COL8A1: variants seen among roughly 807,000 people sequenced by gnomAD.
COL8A1 encodes the protein collagen type VIII alpha 1 chain.
COL8A1 carries 21 observed loss-of-function variants against 42.7 expected under a neutral mutation model. The observed-to-expected ratio is 0.49, with a 90% CI of 0.35 to 0.71. COL8A1 has a LOEUF of 0.71. COL8A1 is among the 30% of genes least tolerant of loss of function. COL8A1 has a pLI of 0.01. For synonymous variants in COL8A1, 367 were observed against 369.1 expected (o/e 0.99, Z 0.06); for missense variants, 788 against 962.4 (o/e 0.82, Z 2.40).
chr3:99,746,650 T>C (rs191563719), intron 2 of COL8A1, among the ~76,000 whole-genome samples: 1 of 152,344 alleles, frequency 6.6e-6, no homozygotes, highest in African/African-American at 2.4e-5. Context: ...TTATTGAACT[T>C]TTAAGAAATT....
At chr3:99,717,419 C>T (rs1051934662) in intron 1 of COL8A1, among the ~76,000 whole-genome samples, 2 of 151,880 alleles carry the variant, frequency 1.3e-5, no homozygotes, top group African/African-American at 4.8e-5. Flanking sequence ...ACGACACATC[C>T]AACACACCAC....
At chr3:99,755,761 G>T (rs1323509143) in intron 2 of COL8A1, among the ~76,000 whole-genome samples, 1 of 152,208 alleles carries the variant, frequency 6.6e-6, no homozygotes, top group South Asian at 2.1e-4. Context: ...AGTTTGGCTT[G>T]TTGCAAGATG....
chr3:99,781,033 G>C (rs920085134), intron 2 of COL8A1, among the ~76,000 whole-genome samples: 4 of 152,118 alleles, frequency 2.6e-5, no homozygotes, highest in African/African-American at 9.7e-5. Flanking sequence ...CCCTCTCTGT[G>C]GCTGACGATT....
rs146495728 is a variant in COL8A1 at position 99,783,557 on chromosome 3, C to T, written c.-3-7123C>T. Among the ~76,000 whole-genome samples, 121 of 152,240 alleles carry T rather than the reference C, an allele frequency of 7.9e-4. 1 individual carries two copies. In the East Asian group the frequency reaches 0.011, roughly 14 times the overall value. ...AGGCTTATTTATTTGGGCTATTAGT[C>T]CATTTTCACACTGCTATAAAGAACT... On this transcript the variant is annotated intron_variant, in intron 2 of 3. Coordinates refer to ENST00000652472, the MANE Select transcript of COL8A1 (RefSeq NM_020351.4).
chr3:99,647,475 GTCTCTCTCTCTCTCTC>G (rs10662522), intron 1 of COL8A1, among the ~76,000 whole-genome samples: 3 of 147,648 alleles, frequency 2.0e-5, no homozygotes, highest in African/African-American at 7.4e-5. Context: ...TATTATTCAA[GTCTCTCTCTCTCTCTC>G]TCTCTCTCAT....
rs1236832748 is a variant in COL8A1, at chr3:99,795,478, C to A, written c.1577C>A (p.Pro526His). The A allele has an allele frequency of 2.1e-5, 33 of 1,545,424 alleles. No homozygotes were observed. The highest frequency in any genetic ancestry group is 2.9e-5 in the Non-Finnish European group (33 of 1,144,038). ...AAAGGGGAGCCGGGCCTCCCAGGGC[C>A]CCCTGGGTTCCCTGGTATAGGGAAA... Reference protein sequence around the residue: ...GPKGEPGLPGPPGFPGIGKPG... With the variant: ...GPKGEPGLPGHPGFPGIGKPG... The change falls in exon 4 of 4, where the codon CCC becomes CAC. Residue 526 changes from proline (P) to histidine (H), a missense_variant. Physicochemically the swap from Pro to His is moderately conservative, Grantham distance 77. Transcript: ENST00000652472.
At position 99,794,742 on chromosome 3, in the gene COL8A1, G is replaced by A; in HGVS notation, c.841G>A (p.Gly281Arg). ...CAAACCAGGAGTGACAGGCTTCCCT[G>A]GGCCCCAGGGCCCCCTGGGAAAGCC... is the stretch of plus-strand genomic sequence containing the variant. ...VGKPGVTGFP[G>R]PQGPLGKPGA... Residue 281 changes from glycine to arginine, a missense_variant, in exon 4 of 4, where the codon GGG becomes AGG. Around this residue, in one of 4 missense-constraint regions of COL8A1, gnomAD observed 421 missense variants for 553.1 expected, o/e 0.76. Transcript: ENST00000652472. The surrounding 1 kb of genome is among the most constrained non-coding windows in gnomAD (Gnocchi z 4.3). 1 of 1,598,720 alleles carries A rather than the reference G, an allele frequency of 6.3e-7. No individual in the cohort carries two copies. The highest frequency in any genetic ancestry group is 8.5e-7 in the Non-Finnish European group (1 of 1,174,672).
At chr3:99,648,163 C>T (rs780692756) in intron 1 of COL8A1, among the ~76,000 whole-genome samples, 6 of 152,138 alleles carry the variant, frequency 3.9e-5, no homozygotes, top group South Asian at 2.1e-4. Flanking sequence ...CCCAATTTAA[C>T]GATGAGAAAA....
At position 99,790,655 on chromosome 3, in the gene COL8A1, GTTGGTGCA is replaced by G. The variant is rs1412491188; in HGVS notation, c.-3-19_-3-12del. 1.2e-6 allele frequency: 2 copies of G among 1,600,558 alleles called. No individual in the cohort carries two copies. The highest frequency in any genetic ancestry group is 1.7e-6 in the Non-Finnish European group (2 of 1,170,200). On this transcript the variant is annotated splice_polypyrimidine_tract_variant and intron_variant, in intron 2 of 3. Transcript: ENST00000652472. ...ACTTGGCCTTGCAGAGTTTCACCAA[GTTGGTGCA>G]TTGGTTCCTCCCACAGGTGATGGCT...
intron 1 of COL8A1, among the ~76,000 whole-genome samples, chr3:99,669,124 TA>T (rs1938453736): frequency 1.6e-5 from 1 of 62,578 alleles, no homozygotes; most frequent in Non-Finnish European, 3.2e-5. Context: ...TTAAAAAAAT[TA>T]TATATATATA....
intron 1 of COL8A1, among the ~76,000 whole-genome samples, chr3:99,711,861 C>T (rs1939843974): frequency 6.6e-6 from 1 of 152,146 alleles, no homozygotes; most frequent in East Asian, 1.9e-4. Context: ...TATTTTCTAC[C>T]TCTCTATCTT....
intron 2 of COL8A1, among the ~76,000 whole-genome samples, chr3:99,750,121 A>C (rs1164568828): frequency 1.7e-5 from 2 of 117,700 alleles, no homozygotes; most frequent in Non-Finnish European, 3.2e-5. Flanking sequence ...CAGTGGCATG[A>C]TCTTGGCTTA....
intron 1 of COL8A1, among the ~76,000 whole-genome samples, chr3:99,677,300 T>C (rs147737729): frequency 6.6e-6 from 1 of 152,220 alleles, no homozygotes; most frequent in East Asian, 1.9e-4. Context: ...TCATTTTTAA[T>C]AATCCAGTGT....
chr3:99,675,018 T>C (rs1282582598), intron 1 of COL8A1, among the ~76,000 whole-genome samples: 1 of 152,082 alleles, frequency 6.6e-6, no homozygotes, highest in Non-Finnish European at 1.5e-5. Context: ...TCCTTCCAAC[T>C]TGAAATTCAC....
At chr3:99,645,999 G>T (rs1232941022) in intron 1 of COL8A1, among the ~76,000 whole-genome samples, 2 of 152,066 alleles carry the variant, frequency 1.3e-5, no homozygotes, top group African/African-American at 4.8e-5. Context: ...GAGAAAAAAA[G>T]ACAGAAATGG....
chr3:99,726,955 C>A (rs1369994358), intron 1 of COL8A1, among the ~76,000 whole-genome samples: 1 of 152,084 alleles, frequency 6.6e-6, no homozygotes, highest in Non-Finnish European at 1.5e-5. Flanking sequence ...TAAAGAAAGT[C>A]ATTGGTAGCT....
intron 1 of COL8A1, among the ~76,000 whole-genome samples, chr3:99,726,071 T>C (rs987662054): frequency 2.6e-5 from 4 of 152,118 alleles, no homozygotes; most frequent in Admixed American, 6.6e-5. Context: ...TCCTCTCCAG[T>C]ACCTGTTGTT....
At chr3:99,666,358 C>CATT (rs146499405) in intron 1 of COL8A1, among the ~76,000 whole-genome samples, 5,213 of 152,312 alleles carry the variant, frequency 0.034, 141 homozygotes, top group East Asian at 0.062. Context: ...CAAAATGTCT[C>CATT]AGCTCCTGGC....
chr3:99,640,652 C>G (rs1454522331), intron 1 of COL8A1, among the ~76,000 whole-genome samples: 2 of 152,176 alleles, frequency 1.3e-5, no homozygotes, highest in Non-Finnish European at 2.9e-5. Flanking sequence ...GTTCAAGCCC[C>G]TAAATAACTG....
Sources: gnomAD v4.1 joint callset for allele counts (sites outside exome capture counted in the v4.1 genomes callset) on GRCh38, gnomAD v4.1.1 for gene constraint, gnomAD v4.1.1 regional missense constraint, Gnocchi (gnomAD v3.1) non-coding constraint, MANE v1.5 for transcripts, NCBI Gene and HGNC (gene_info 2026-07-23, HGNC 2026-07-21) for gene names.